The following PUS7L variants were observed in gnomAD, a reference collection of about 807,000 sequenced individuals.
PUS7L encodes pseudouridylate synthase PUS7L.
A neutral mutation model predicts 51.1 loss-of-function variants in PUS7L; 49 were observed. That is an observed-to-expected ratio of 0.96 (90% CI 0.76 to 1.22). PUS7L has a LOEUF of 1.22. PUS7L is among the 50% of genes most tolerant of loss of function. The pLI is 0.00. For missense variants in PUS7L, 828 were observed against 820.6 expected (o/e 1.01, Z -0.11); for synonymous variants, 277 against 276.2 (o/e 1.00, Z -0.03).
chr12:43,730,544 T>C lies in PUS7L; in HGVS notation c.1938A>G (p.Lys646=). 1 of 1,613,920 alleles carries C rather than the reference T, an allele frequency of 6.2e-7. No homozygotes were observed. The highest frequency in any genetic ancestry group is 8.5e-7 in the Non-Finnish European group (1 of 1,179,894). Reference sequence around the variant, plus strand: ...GTTGGTATGAGAGATTACAGGGATGTTTCAAAATCTGTCTATAGCAACCTG... The same window carrying C: ...GTTGGTATGAGAGATTACAGGGATGCTTCAAAATCTGTCTATAGCAACCTG... The part of the protein sequence containing the change: ...NIPGCYRQIL[K]HPCNLSYQLM... The change falls in exon 9 of 9, where the codon AAA becomes AAG. Residue 646 remains lysine (K), a synonymous_variant. Transcript: ENST00000344862.
rs375584432 is a variant in PUS7L at position 43,730,347 on chromosome 12, T to C, written c.*29A>G. The C allele has an allele frequency of 6.0e-5, 93 of 1,552,408 alleles. No individual in the cohort carries two copies. The highest frequency in any genetic ancestry group is 7.9e-5 in the Non-Finnish European group (89 of 1,128,488). On this transcript the variant is annotated 3_prime_UTR_variant, in exon 9 of 9. Transcript: ENST00000344862. Reference sequence around the variant, plus strand: ...GCCCCCTTTCCTTCAAAGAGTGACATATATATGGTTATACCAAGGGTATCA... The same window carrying C: ...GCCCCCTTTCCTTCAAAGAGTGACACATATATGGTTATACCAAGGGTATCA...
At chr12:43,731,923 TA>T (rs1944566156) in intron 7 of PUS7L, among the ~76,000 whole-genome samples, 165 bp from the exon 8 acceptor site, 3 of 152,302 alleles carry the variant, frequency 2.0e-5, no homozygotes, top group Admixed American at 1.3e-4. Flanking sequence ...GTAGACTACA[TA>T]AAAATTAGAA....
Position 43,754,683 on chromosome 12 carries a change from G to A in PUS7L, c.563C>T (p.Thr188Ile), listed in dbSNP as rs145979946. 1,004 of 1,613,632 alleles carry A rather than the reference G, an allele frequency of 6.2e-4. 8 individuals are homozygous for A. The highest frequency in any genetic ancestry group is 9.8e-4 in the East Asian group (44 of 44,856). Residue 188 changes from threonine (T) to isoleucine (I), a missense_variant, in exon 2 of 9, where the codon ACT becomes ATT. Physicochemically the swap from Thr to Ile is moderately conservative, Grantham distance 89. Transcript: ENST00000344862. ...AACAATTTCACTGTTTTTTCCTACA[G>A]TTACTAAAAATGGAAATTTCTGCCT... ...AIRQKFPFLV[T>I]VGKNSEIVVK... is the part of the protein sequence containing the mutation.
At chr12:43,758,523 T>C (rs1938982289) in intron 1 of PUS7L, 2 of 985,440 alleles carry the variant, frequency 2.0e-6, no homozygotes, top group African/African-American at 3.5e-5. Context: ...TCCAAAGGTG[T>C]CCCCGACAAG....
intron 2 of PUS7L, among the ~76,000 whole-genome samples, chr12:43,753,264 T>C (rs918702385): frequency 1.3e-5 from 2 of 152,182 alleles, no homozygotes; most frequent in Non-Finnish European, 1.5e-5. Context: ...GAGTCAGGCT[T>C]TCCTATTACC....
rs1489610291 is a variant in PUS7L, at chr12:43,725,085, C to T, written c.*5291G>A. ...TGTAAATAGTATCAATCAGCTTTCT[C>T]CTTCCTTAAACAGAATGATTGATGT... On this transcript the variant is annotated 3_prime_UTR_variant, in exon 9 of 9. Coordinates refer to ENST00000344862, the MANE Select transcript of PUS7L (RefSeq NM_031292.5). The T allele has an allele frequency of 1.3e-5, 2 of 152,162 alleles. No homozygotes were observed. Among genetic ancestry groups the T allele is most frequent in the Non-Finnish European group, 2.9e-5 (2 of 68,028 alleles). The allele number at this position is 152,162 out of a possible 1,614,324, so 9.4% of individuals were successfully genotyped here.
At chr12:43,730,737 G>C in intron 8 of PUS7L, 35 bp from the exon 9 acceptor site, 1 of 1,390,940 alleles carries the variant, frequency 7.2e-7, no homozygotes, top group South Asian at 1.2e-5. Flanking sequence ...TATGAAAATA[G>C]CCTTCAAAAA....
Position 43,728,988 on chromosome 12 carries a change from T to C in PUS7L, c.*1388A>G. 1 of 349,790 alleles carries C rather than the reference T, an allele frequency of 2.9e-6. No homozygotes were observed. The highest frequency in any genetic ancestry group is 5.1e-6 in the Non-Finnish European group (1 of 194,526). The allele number at this position is 349,790 out of a possible 1,614,324, so 21.7% of individuals were successfully genotyped here. A position where few individuals can be genotyped will look rare whatever the true frequency, so the allele number is the denominator to read the frequency against. On this transcript the variant is annotated 3_prime_UTR_variant, in exon 9 of 9. Transcript: ENST00000344862. Reference sequence around the variant, plus strand: ...CCAATATCTGTGCTTTTAATCACTATGCTAACATGTCTCTTATTTGTGAAA... The same window carrying C: ...CCAATATCTGTGCTTTTAATCACTACGCTAACATGTCTCTTATTTGTGAAA...
rs1227320485 is a variant in PUS7L, at chr12:43,725,941, A to G, written c.*4435T>C. On this transcript the variant is annotated 3_prime_UTR_variant, in exon 9 of 9. Coordinates refer to ENST00000344862, the MANE Select transcript of PUS7L (RefSeq NM_031292.5). ...TACTCAGAAAATGTTAGTTAAATCA[A>G]AAGTTACATGACTTTCAGTTTTTTA... 1.3e-5 allele frequency: 2 copies of G among 152,190 alleles called. No homozygotes were observed. The highest frequency in any genetic ancestry group is 2.4e-5 in the African/African-American group (1 of 41,448). The allele number at this position is 152,190 out of a possible 1,614,324, so 9.4% of individuals were successfully genotyped here.
At chr12:43,752,286 C>G (rs1187591202) in intron 2 of PUS7L, among the ~76,000 whole-genome samples, 1 of 152,204 alleles carries the variant, frequency 6.6e-6, no homozygotes. Flanking sequence ...GTCCAAAGGG[C>G]TGTTTTGAGT....
chr12:43,757,740 G>C (rs1938868999), intron 1 of PUS7L, among the ~76,000 whole-genome samples: 1 of 152,172 alleles, frequency 6.6e-6, no homozygotes, highest in African/African-American at 2.4e-5. Context: ...ATTAGAAGAG[G>C]CATAATGCAA....
chr12:43,753,241 C>T (rs970749668), intron 2 of PUS7L, among the ~76,000 whole-genome samples: 4 of 152,098 alleles, frequency 2.6e-5, no homozygotes, highest in Non-Finnish European at 4.4e-5. Flanking sequence ...TTTAATCCTT[C>T]GAATATCATT....
rs762472407 is a variant in PUS7L at position 43,754,776 on chromosome 12, A to G, written c.470T>C (p.Leu157Pro). 3 of 1,613,870 alleles carry G rather than the reference A, an allele frequency of 1.9e-6. No individual in the cohort carries two copies. Among genetic ancestry groups the G allele is most frequent in the African/African-American group, 2.7e-5 (2 of 74,942 alleles). ...KWLSKTELIGLPPEFSIGRIL... is the reference protein window; with the variant it reads ...KWLSKTELIGPPPEFSIGRIL... ...TCTGCCTATTGAGAATTCAGGAGGT[A>G]GTCCAATTAGCTCTGTTTTAGAAAG... is the stretch of plus-strand genomic sequence containing the variant. The change falls in exon 2 of 9, where the codon CTA (leucine) becomes CCA (proline). Residue 157 changes from leucine to proline, a missense_variant. Leu to Pro is a moderately conservative substitution (Grantham distance 98). Transcript: ENST00000344862.
At position 43,723,189 on chromosome 12, in the gene PUS7L, G is replaced by A. The variant is rs1018000116; in HGVS notation, c.*7187C>T. The A allele has an allele frequency of 6.6e-6, 1 of 151,990 alleles. No homozygotes were observed. Among genetic ancestry groups the A allele is most frequent in the African/African-American group, 2.4e-5 (1 of 41,400 alleles). The allele number at this position is 151,990 out of a possible 1,614,324, so 9.4% of individuals were successfully genotyped here. A position where few individuals can be genotyped will look rare whatever the true frequency, so the allele number is the denominator to read the frequency against. ...TGTAAGAGATGGCCTATGTACACAG[G>A]CAGAGTAAATTAACTCCTGCCTCAA... On this transcript the variant is annotated 3_prime_UTR_variant, in exon 9 of 9. Coordinates refer to ENST00000344862, the MANE Select transcript of PUS7L (RefSeq NM_031292.5).
rs1241695984 is a variant in PUS7L, at chr12:43,719,278, C to T, written c.*11098G>A. 3 of 151,998 alleles carry T rather than the reference C, an allele frequency of 2.0e-5. No homozygotes were observed. The highest frequency in any genetic ancestry group is 7.2e-5 in the African/African-American group (3 of 41,380). 9.4% of individuals were successfully genotyped at this position (151,998 alleles called of 1,614,324 possible). A position where few individuals can be genotyped will look rare whatever the true frequency, so the allele number is the denominator to read the frequency against. ...ACACAGATATGTACAATTCCATTCACATAAAATTCAAAATCAGACAAAACT... is the reference window on the plus strand; with the variant it reads ...ACACAGATATGTACAATTCCATTCATATAAAATTCAAAATCAGACAAAACT... On this transcript the variant is annotated 3_prime_UTR_variant, in exon 9 of 9. Coordinates refer to ENST00000344862, the MANE Select transcript of PUS7L (RefSeq NM_031292.5).
At chr12:43,742,261 A>C (rs1355156709) in intron 5 of PUS7L, among the ~76,000 whole-genome samples, 196 bp downstream of exon 5, 2 of 152,218 alleles carry the variant, frequency 1.3e-5, no homozygotes, top group Non-Finnish European at 2.9e-5. Context: ...CCACAAGGAC[A>C]CTCACACTGT....
intron 1 of PUS7L, among the ~76,000 whole-genome samples, chr12:43,757,198 T>A (rs896299290): frequency 6.6e-6 from 1 of 152,124 alleles, no homozygotes; most frequent in African/African-American, 2.4e-5. Flanking sequence ...TGAGACGAAG[T>A]CTCACTCTGT....
intron 7 of PUS7L, among the ~76,000 whole-genome samples, chr12:43,734,921 G>A (rs979070672): frequency 3.0e-4 from 45 of 152,150 alleles, no homozygotes; most frequent in African/African-American, 1.0e-3. Context: ...GATAAAGTTG[G>A]AGAATAATAA....
At chr12:43,748,717 TTTGTTG>T (rs560116165) in intron 2 of PUS7L, 108 bp from the exon 3 acceptor site, 114 of 929,638 alleles carry the variant, frequency 1.2e-4, no homozygotes, top group Non-Finnish European at 1.6e-4. Context: ...TCTAAGGAGT[TTTGTTG>T]TTGTTGTTGT....
Sources: allele counts gnomAD v4.1 joint callset (sites outside exome capture counted in the v4.1 genomes callset), GRCh38; gene constraint gnomAD v4.1.1; transcripts MANE v1.5; gene names NCBI Gene and HGNC (gene_info 2026-07-23, HGNC 2026-07-21).